ATP8A2: variants seen among roughly 807,000 people sequenced by gnomAD.
ATP8A2 encodes phospholipid-transporting ATPase IB.
In ATP8A2, 100 loss-of-function variants were observed where a neutral mutation model predicts 165.6. The observed-to-expected ratio is 0.60, with a 90% confidence interval of 0.51 to 0.71. ATP8A2 has a LOEUF of 0.71. Among genes scored for constraint, ATP8A2 ranks in the 30% least tolerant of loss-of-function variants. ATP8A2 has a pLI of 0.00. For synonymous variants in ATP8A2, 543 were observed against 548.8 expected, an observed-to-expected ratio of 0.99 and a Z score of 0.15; for missense variants, 1,227 against 1,479.5, an observed-to-expected ratio of 0.83 and a Z score of 2.80.
chr13:25,871,480 G>A (rs1412347299), intron 33 of ATP8A2, among the ~76,000 whole-genome samples: 1 of 152,152 alleles, frequency 6.6e-6, no homozygotes, highest in African/African-American at 2.4e-5. Context: ...AAGTGCCAGA[G>A]AAAGGCCACC....
chr13:25,631,152 C>G (rs2137513776), intron 24 of ATP8A2, among the ~76,000 whole-genome samples: 1 of 152,264 alleles, frequency 6.6e-6, no homozygotes, highest in East Asian at 1.9e-4. Context: ...AAAAACATAC[C>G]TGTGGTTTTT....
At chr13:25,551,260 T>C (rs2038812665) in intron 10 of ATP8A2, 78 bp from the exon 11 acceptor site, 1 of 1,368,974 alleles carries the variant, frequency 7.3e-7, no homozygotes, top group African/African-American at 1.4e-5. Context: ...TAAATATGGT[T>C]GTTTTACCTC....
At chr13:25,895,832 T>C (rs1206460546) in intron 33 of ATP8A2, among the ~76,000 whole-genome samples, 1 of 152,238 alleles carries the variant, frequency 6.6e-6, no homozygotes, top group Admixed American at 6.5e-5. Context: ...GAGGTGTTTA[T>C]AGTATTCTCT....
chr13:25,660,107 T>G (rs1188141271), intron 24 of ATP8A2, among the ~76,000 whole-genome samples: 1 of 152,218 alleles, frequency 6.6e-6, no homozygotes, highest in Non-Finnish European at 1.5e-5. Flanking sequence ...ATATCAGAAT[T>G]TGTGAAAGAC....
intron 24 of ATP8A2, among the ~76,000 whole-genome samples, chr13:25,590,542 C>T (rs1258425747): frequency 2.0e-5 from 3 of 152,180 alleles, no homozygotes; most frequent in Non-Finnish European, 4.4e-5. Flanking sequence ...AACAGACCAG[C>T]AGTGGGAGCT....
chr13:25,933,409 C>T (rs1374436286), intron 33 of ATP8A2, among the ~76,000 whole-genome samples: 2 of 152,224 alleles, frequency 1.3e-5, no homozygotes, highest in African/African-American at 4.8e-5. Flanking sequence ...CTCTTTATGC[C>T]TCTTAATACC....
At chr13:25,832,924 A>C (rs1188704660) in intron 28 of ATP8A2, among the ~76,000 whole-genome samples, 1 of 152,174 alleles carries the variant, frequency 6.6e-6, no homozygotes, top group Non-Finnish European at 1.5e-5. Flanking sequence ...GGTAATGTAA[A>C]TATGTTCATA....
chr13:25,952,568 G>T (rs1324716037), intron 33 of ATP8A2, among the ~76,000 whole-genome samples: 3 of 152,036 alleles, frequency 2.0e-5, no homozygotes, highest in Admixed American at 1.3e-4. Context: ...TAGAAACAGG[G>T]TCTCACGATG....
chr13:25,714,594 G>A lies in ATP8A2; in HGVS notation c.2384+15249G>A, dbSNP rs541780652. ...CCATCCTCAGCACTGGAAATGACAC[G>A]AGACACGTAATGAACACTCAATAAA... is the stretch of plus-strand genomic sequence containing the variant. On this transcript the variant is annotated intron_variant, in intron 25 of 36. Coordinates refer to ENST00000381655, the MANE Select transcript of ATP8A2 (RefSeq NM_016529.6). 1.3e-4 allele frequency among the ~76,000 whole-genome samples: 20 copies of A among 152,252 alleles called. No homozygotes were observed. The South Asian group carries it at 2.5e-3, about 19-fold the overall frequency.
chr13:25,409,812 G>A (rs930766881), intron 1 of ATP8A2, among the ~76,000 whole-genome samples: 2 of 152,024 alleles, frequency 1.3e-5, no homozygotes, highest in African/African-American at 2.4e-5. Context: ...GTCGTGGTTA[G>A]GGTATAGTCT....
intron 24 of ATP8A2, among the ~76,000 whole-genome samples, chr13:25,629,019 C>T (rs1167411595): frequency 6.6e-6 from 1 of 152,176 alleles, no homozygotes; most frequent in Non-Finnish European, 1.5e-5. Flanking sequence ...CATAATTGGT[C>T]ACCTATGAGA....
chr13:25,818,670 C>T (rs966495734), intron 27 of ATP8A2, among the ~76,000 whole-genome samples: 2 of 152,156 alleles, frequency 1.3e-5, no homozygotes, highest in African/African-American at 4.8e-5. Context: ...TCAAAAATAA[C>T]AGAAATGACT....
At chr13:25,445,636 A>G (rs1211813765) in intron 1 of ATP8A2, among the ~76,000 whole-genome samples, 2 of 152,224 alleles carry the variant, frequency 1.3e-5, no homozygotes, top group Non-Finnish European at 2.9e-5. Context: ...AATAGAGACT[A>G]TGTGAGAAAA....
At position 25,538,991 on chromosome 13, in the gene ATP8A2, T is replaced by C. The variant is rs556077764; in HGVS notation, c.581+930T>C. Among the ~76,000 whole-genome samples the C allele has an allele frequency of 5.3e-5, 8 of 152,138 alleles. No homozygotes were observed. In the East Asian group the frequency reaches 1.2e-3, roughly 22 times the overall value. ...GACAACAAAGAAACCGTTAGAAATA[T>C]TAAAATATTGATCACTTGATAGTTC... On this transcript the variant is annotated intron_variant, in intron 7 of 36. Transcript: ENST00000381655.
At chr13:25,839,923 C>A (rs999452408) in intron 30 of ATP8A2, among the ~76,000 whole-genome samples, 17 of 152,158 alleles carry the variant, frequency 1.1e-4, no homozygotes, top group Non-Finnish European at 1.5e-5. Flanking sequence ...AAGCCCTGTA[C>A]TGTAATGAAA....
chr13:25,772,559 C>T lies in ATP8A2; in HGVS notation c.2569-2290C>T, dbSNP rs983810883. 5.9e-5 allele frequency among the ~76,000 whole-genome samples: 9 copies of T among 152,156 alleles called. No individual in the cohort carries two copies. The East Asian group carries it at 7.7e-4, about 13-fold the overall frequency. On this transcript the variant is annotated intron_variant, in intron 26 of 36. Coordinates refer to ENST00000381655, the MANE Select transcript of ATP8A2 (RefSeq NM_016529.6). ...GATTCCGAATGCGTGGTGAGCCCCG[C>T]GCCTTCCCCTCACCTCCTGGAAGAA...
At chr13:25,993,258 C>T (rs186240144) in intron 35 of ATP8A2, among the ~76,000 whole-genome samples, 161 of 152,232 alleles carry the variant, frequency 1.1e-3, no homozygotes, top group Middle Eastern at 3.4e-3. Context: ...CCTGAGGAAT[C>T]GCCACACTGC....
intron 2 of ATP8A2, among the ~76,000 whole-genome samples, chr13:25,512,531 C>G (rs573165104): frequency 6.6e-6 from 1 of 150,928 alleles, no homozygotes; most frequent in African/African-American, 2.4e-5. Context: ...ACCTCCCTCC[C>G]GGACGGGGCG....
At chr13:25,451,313 G>A (rs1288857747) in intron 1 of ATP8A2, among the ~76,000 whole-genome samples, 1 of 151,996 alleles carries the variant, frequency 6.6e-6, no homozygotes, top group Non-Finnish European at 1.5e-5. Flanking sequence ...TTTTGTTTGA[G>A]TTCCCCTCTC....
Sources: allele counts gnomAD v4.1 joint callset (sites outside exome capture counted in the v4.1 genomes callset), GRCh38; gene constraint gnomAD v4.1.1; transcripts MANE v1.5; gene names NCBI Gene and HGNC (gene_info 2026-07-23, HGNC 2026-07-21).